Variants in ADAMTSL1 observed in about 807,000 individuals in gnomAD.
ADAMTSL1 encodes the protein ADAMTS like 1, also known as ADAMTS-like protein 1.
Under a neutral mutation model 201.8 loss-of-function variants are expected in ADAMTSL1, and 126 were observed. That is an observed-to-expected ratio of 0.62 (90% CI 0.54 to 0.72). The LOEUF is 0.72. Among genes scored for constraint, ADAMTSL1 ranks in the 30% least tolerant of loss-of-function variants. The pLI, the probability that ADAMTSL1 is intolerant of heterozygous loss-of-function variation, is 0.00. For synonymous variants in ADAMTSL1, 1,121 were observed against 903.4 expected (o/e 1.24, Z -4.32); for missense variants, 2,679 against 2,277.8 (o/e 1.18, Z -3.59).
At chr9:18,155,697 C>T (rs936023775) in intron 1 of ADAMTSL1, among the ~76,000 whole-genome samples, 1 of 151,952 alleles carries the variant, frequency 6.6e-6, no homozygotes, top group Non-Finnish European at 1.5e-5. Context: ...GATGTCAGTG[C>T]AGAGAGAGAA....
rs757042208 is a variant in ADAMTSL1 at position 18,777,119 on chromosome 9, A to C, written c.2890A>C (p.Asn964His). Reference sequence around the variant, plus strand: ...CTTTGTGATTAAGCTCATCGGAGGCAACCGCAAGCTCGTGGCCCGGCCCTT... The same window carrying C: ...CTTTGTGATTAAGCTCATCGGAGGCCACCGCAAGCTCGTGGCCCGGCCCTT... ...EHFVIKLIGG[N>H]RKLVARPLSP... Residue 964 changes from asparagine (N) to histidine (H), a missense_variant, in exon 19 of 29, where the codon AAC (asparagine) becomes CAC (histidine). Physicochemically the swap from Asn to His is moderately conservative, Grantham distance 68 (BLOSUM62 1). Transcript: ENST00000380548. The C allele has an allele frequency of 6.2e-7, 1 of 1,613,092 alleles. No homozygotes were observed. The highest frequency in any genetic ancestry group is 1.7e-5 in the Admixed American group (1 of 60,030).
At chr9:18,642,723 G>A (rs929205674) in intron 7 of ADAMTSL1, among the ~76,000 whole-genome samples, 3 of 151,900 alleles carry the variant, frequency 2.0e-5, no homozygotes, top group East Asian at 3.9e-4. Flanking sequence ...TTAACATAAT[G>A]TTCTCCAGGT....
chr9:18,449,888 G>T (rs1490610964), intron 2 of ADAMTSL1, among the ~76,000 whole-genome samples: 1 of 152,166 alleles, frequency 6.6e-6, no homozygotes, highest in Non-Finnish European at 1.5e-5. Context: ...GTAAGTGCTG[G>T]CAAGGTTGCA....
intron 2 of ADAMTSL1, among the ~76,000 whole-genome samples, chr9:18,353,055 T>C (rs1836046139): frequency 6.6e-6 from 1 of 152,228 alleles, no homozygotes; most frequent in African/African-American, 2.4e-5. Context: ...TCCTAAAGCA[T>C]TAAGTCCCCC....
At chr9:17,927,023 C>G (rs1485328039) in intron 1 of ADAMTSL1, among the ~76,000 whole-genome samples, 2 of 152,190 alleles carry the variant, frequency 1.3e-5, no homozygotes, top group East Asian at 3.8e-4. Flanking sequence ...TTTCAACTTG[C>G]AAAACTGAAA....
intron 1 of ADAMTSL1, among the ~76,000 whole-genome samples, chr9:18,024,006 T>C (rs1820589505): frequency 6.6e-6 from 1 of 152,094 alleles, no homozygotes; most frequent in East Asian, 1.9e-4. Context: ...TGTCTCCTCA[T>C]CTTTTTATGG....
intron 1 of ADAMTSL1, among the ~76,000 whole-genome samples, chr9:18,017,509 C>G (rs920940700): frequency 6.6e-6 from 1 of 151,876 alleles, no homozygotes; most frequent in Non-Finnish European, 1.5e-5. Flanking sequence ...TTCAATTTCC[C>G]CCTCTACTCA....
chr9:18,811,008 G>A (rs1432401681), intron 20 of ADAMTSL1, among the ~76,000 whole-genome samples: 5 of 57,078 alleles, frequency 8.8e-5, no homozygotes, highest in African/African-American at 3.0e-4. Context: ...ACACCAATGA[G>A]TACCAAAAAA....
intron 3 of ADAMTSL1, among the ~76,000 whole-genome samples, chr9:18,572,385 C>G (rs1822386256): frequency 7.3e-6 from 1 of 137,578 alleles, no homozygotes; most frequent in Non-Finnish European, 1.6e-5. Flanking sequence ...TAAACTGCAT[C>G]CTATTATCTA....
At chr9:18,106,417 G>T (rs1389383913) in intron 1 of ADAMTSL1, among the ~76,000 whole-genome samples, 1 of 152,166 alleles carries the variant, frequency 6.6e-6, no homozygotes, top group South Asian at 2.1e-4. Flanking sequence ...TGCCCACACA[G>T]CATTTCTCAA....
chr9:18,068,484 A>G (rs7041701), intron 1 of ADAMTSL1, among the ~76,000 whole-genome samples: 2,006 of 152,246 alleles, frequency 0.013, 61 homozygotes, highest in African/African-American at 0.045. Context: ...AGGAACTTAA[A>G]CATGTATGGA....
intron 13 of ADAMTSL1, among the ~76,000 whole-genome samples, chr9:18,697,457 A>G (rs2133281608): frequency 6.6e-6 from 1 of 152,296 alleles, no homozygotes; most frequent in Admixed American, 6.5e-5. Flanking sequence ...CACCCCTGGA[A>G]ATTTGCTAGA....
At chr9:18,543,488 A>G (rs1820284789) in intron 3 of ADAMTSL1, among the ~76,000 whole-genome samples, 1 of 152,226 alleles carries the variant, frequency 6.6e-6, no homozygotes, top group Admixed American at 6.5e-5. Flanking sequence ...AGCTTTCAGT[A>G]TCTTGCAAAT....
chr9:18,845,382 T>C (rs545265381), intron 23 of ADAMTSL1, among the ~76,000 whole-genome samples: 5 of 152,360 alleles, frequency 3.3e-5, no homozygotes, highest in African/African-American at 9.6e-5. Flanking sequence ...GTGAAGACTT[T>C]CCATGAAAGA....
intron 23 of ADAMTSL1, among the ~76,000 whole-genome samples, chr9:18,867,132 G>A (rs572455126): frequency 2.0e-4 from 30 of 152,316 alleles, no homozygotes; most frequent in African/African-American, 7.2e-4. Context: ...AATAAGAGGA[G>A]GACAGATATG....
rs574011172 is a variant in ADAMTSL1 at position 18,056,189 on chromosome 9, T to A, written c.88-107673T>A. ...TTTTTCCTCTGCCCTTCTCCTCAAA[T>A]ATCAATATCCAAAAAAGCATTTTCT... On this transcript the variant is annotated intron_variant, in intron 1 of 29. Coordinates refer to the ADAMTSL1 transcript ENST00000680146. Among the ~76,000 whole-genome samples the A allele has an allele frequency of 7.3e-5, 11 of 150,690 alleles. No homozygotes were observed. In the East Asian group the frequency reaches 1.9e-3, roughly 27 times the overall value.
intron 4 of ADAMTSL1, among the ~76,000 whole-genome samples, chr9:18,586,686 C>T (rs1053547968): frequency 2.6e-5 from 4 of 152,130 alleles, no homozygotes; most frequent in African/African-American, 9.7e-5. Flanking sequence ...CATTACCTGA[C>T]TTCAAACTAT....
chr9:18,187,564 T>C (rs754341656), intron 2 of ADAMTSL1, among the ~76,000 whole-genome samples: 1 of 152,160 alleles, frequency 6.6e-6, no homozygotes, highest in Non-Finnish European at 1.5e-5. Context: ...TGTATACATT[T>C]ATATGATCAT....
chr9:18,503,980 A>ATGCATG (rs112546192), intron 1 of ADAMTSL1, among the ~76,000 whole-genome samples: 5 of 148,042 alleles, frequency 3.4e-5, no homozygotes, highest in African/African-American at 7.5e-5. Context: ...ATGTGCATGC[A>ATGCATG]TGTGTGTGTG....
Sources: allele counts gnomAD v4.1 joint callset (sites outside exome capture counted in the v4.1 genomes callset), GRCh38; gene constraint gnomAD v4.1.1; transcripts MANE v1.5; gene names NCBI Gene and HGNC (gene_info 2026-07-23, HGNC 2026-07-21).